XKR6: variants seen among roughly 807,000 people sequenced by gnomAD.
XKR6 encodes the protein XK-related protein 6.
In XKR6, 22 loss-of-function variants were observed where a neutral mutation model predicts 56.7. That is an observed-to-expected ratio of 0.39 (90% CI 0.28 to 0.55). The LOEUF is 0.55. Among genes scored for constraint, XKR6 ranks in the 20% least tolerant of loss-of-function variants. The pLI is 0.66. For missense variants in XKR6, 852 were observed against 889.0 expected (o/e 0.96, Z 0.53); for synonymous variants, 524 against 387.8 (o/e 1.35, Z -4.13).
chr8:11,144,244 G>GTGTGTGTGTGTGTA (rs767539492), intron 1 of XKR6, among the ~76,000 whole-genome samples: 9 of 149,528 alleles, frequency 6.0e-5, no homozygotes, highest in South Asian at 2.2e-4. Context: ...GTGTGTGTGT[G>GTGTGTGTGTGTGTA]TGTGTGTGTG....
At chr8:11,194,872 T>C in intron 1 of XKR6, 1 of 463,258 alleles carries the variant, frequency 2.2e-6, no homozygotes, top group Non-Finnish European at 3.8e-6. Context: ...TTTTGACACT[T>C]TGTTTCTGGA....
chr8:10,999,269 T>C (rs1404945310), intron 1 of XKR6, among the ~76,000 whole-genome samples: 1 of 152,258 alleles, frequency 6.6e-6, no homozygotes, highest in African/African-American at 2.4e-5. Flanking sequence ...ATGACTGTTA[T>C]GATTCACCTC....
At chr8:10,999,246 C>A (rs1798185607) in intron 1 of XKR6, among the ~76,000 whole-genome samples, 1 of 152,146 alleles carries the variant, frequency 6.6e-6, no homozygotes, top group African/African-American at 2.4e-5. Flanking sequence ...GTTGTATATC[C>A]AACATTAAGG....
At chr8:11,011,776 C>A (rs1180639444) in intron 1 of XKR6, among the ~76,000 whole-genome samples, 2 of 152,130 alleles carry the variant, frequency 1.3e-5, no homozygotes, top group Non-Finnish European at 2.9e-5. Flanking sequence ...GTGGGAGTGA[C>A]AGGAGAAGAA....
intron 1 of XKR6, among the ~76,000 whole-genome samples, chr8:11,050,163 G>A (rs570175655): frequency 3.3e-5 from 5 of 152,312 alleles, no homozygotes; most frequent in South Asian, 4.1e-4. Context: ...GCTAGCACAC[G>A]GAGACACGCA....
intron 1 of XKR6, among the ~76,000 whole-genome samples, chr8:10,936,223 C>T (rs917238229): frequency 6.6e-6 from 1 of 150,526 alleles, no homozygotes; most frequent in Non-Finnish European, 1.5e-5. Context: ...GGATTGCAAC[C>T]CCTGCCTTTT....
At chr8:11,118,730 T>C (rs1799298444) in intron 1 of XKR6, among the ~76,000 whole-genome samples, 1 of 152,214 alleles carries the variant, frequency 6.6e-6, no homozygotes, top group African/African-American at 2.4e-5. Flanking sequence ...TAGTGGTCTA[T>C]CAATTTGGCT....
intron 1 of XKR6, among the ~76,000 whole-genome samples, chr8:11,043,541 C>T (rs931664134): frequency 3.3e-5 from 5 of 152,228 alleles, no homozygotes; most frequent in African/African-American, 9.6e-5. Flanking sequence ...CCAGCAGCTG[C>T]AGAGCCCCTG....
intron 1 of XKR6, among the ~76,000 whole-genome samples, chr8:11,106,863 A>T (rs7018206): frequency 6.4e-5 from 7 of 109,902 alleles, no homozygotes; most frequent in East Asian, 4.0e-4. Context: ...AAAAAAAAAA[A>T]AATAAAAAAG....
At chr8:11,174,668 C>A (rs1178620542) in intron 1 of XKR6, among the ~76,000 whole-genome samples, 1 of 152,160 alleles carries the variant, frequency 6.6e-6, no homozygotes, top group African/African-American at 2.4e-5. Flanking sequence ...CAAGTGTCTT[C>A]CTCTGGTTAC....
chr8:10,990,521 T>G (rs73196880), intron 1 of XKR6, among the ~76,000 whole-genome samples: 1 of 152,122 alleles, frequency 6.6e-6, no homozygotes, highest in Non-Finnish European at 1.5e-5. Flanking sequence ...GAGCTGTCCA[T>G]GGACACAACA....
chr8:11,039,265 G>C (rs922139871), intron 1 of XKR6, among the ~76,000 whole-genome samples: 3 of 152,204 alleles, frequency 2.0e-5, no homozygotes, highest in South Asian at 4.1e-4. Context: ...ACAGAAAAGA[G>C]GGAGACTGCA....
intron 1 of XKR6, among the ~76,000 whole-genome samples, chr8:10,976,781 C>G (rs564754211): frequency 1.3e-5 from 2 of 149,278 alleles, no homozygotes; most frequent in African/African-American, 2.5e-5. Flanking sequence ...CTCTCTCTGT[C>G]TCTCTCTCTC....
chr8:11,055,135 G>A (rs754520708), intron 1 of XKR6, among the ~76,000 whole-genome samples: 7 of 152,218 alleles, frequency 4.6e-5, no homozygotes, highest in Non-Finnish European at 8.8e-5. Flanking sequence ...TGCCACCCAA[G>A]TATAGGGACT....
chr8:11,182,406 CTT>C (rs1407023897), intron 1 of XKR6, among the ~76,000 whole-genome samples: 1 of 152,228 alleles, frequency 6.6e-6, no homozygotes, highest in Non-Finnish European at 1.5e-5. Flanking sequence ...CCAGGACTAA[CTT>C]TGTACCTGGT....
In XKR6 at chr8:11,120,463, G is replaced by C. The variant is rs1799394110; in HGVS notation, c.764+80113C>G. Reference sequence around the variant, plus strand: ...TGCTTCACAGAGAATAAAATGTCTAGGAATCCAACTTACAAGGGATGTGAA... The same window carrying C: ...TGCTTCACAGAGAATAAAATGTCTACGAATCCAACTTACAAGGGATGTGAA... On this transcript the variant is annotated intron_variant, in intron 1 of 2. Transcript: ENST00000416569. 3.9e-5 allele frequency among the ~76,000 whole-genome samples: 6 copies of C among 152,092 alleles called. No individual in the cohort carries two copies. The South Asian group carries it at 1.0e-3, about 26-fold the overall frequency.
chr8:10,952,381 C>T (rs1028862564), intron 1 of XKR6, among the ~76,000 whole-genome samples: 6 of 152,216 alleles, frequency 3.9e-5, no homozygotes, highest in East Asian at 1.9e-4. Flanking sequence ...ACAGTCAGTA[C>T]GTCAGAACCT....
At chr8:11,056,642 G>A (rs1799692236) in intron 1 of XKR6, among the ~76,000 whole-genome samples, 1 of 152,228 alleles carries the variant, frequency 6.6e-6, no homozygotes, top group African/African-American at 2.4e-5. Flanking sequence ...TCTGGAAGCT[G>A]AGTGGTCTAC....
chr8:11,191,644 A>C (rs1803582279), intron 1 of XKR6, among the ~76,000 whole-genome samples: 1 of 152,038 alleles, frequency 6.6e-6, no homozygotes, highest in Non-Finnish European at 1.5e-5. Context: ...CAGGAAACGC[A>C]AAATATGAGC....
Sources: gnomAD v4.1 joint callset for allele counts (sites outside exome capture counted in the v4.1 genomes callset) on GRCh38, gnomAD v4.1.1 for gene constraint, MANE v1.5 for transcripts, NCBI Gene and HGNC (gene_info 2026-07-23, HGNC 2026-07-21) for gene names.